The following PALD1 variants were observed in gnomAD, a reference collection of about 807,000 sequenced individuals.
PALD1 encodes paladin.
In PALD1, 57 loss-of-function variants were observed where a neutral mutation model predicts 96.0. That is an observed-to-expected ratio of 0.59 (90% CI 0.48 to 0.74). PALD1 has a LOEUF of 0.74. Ranked by LOEUF, PALD1 falls within the 30% of genes least tolerant of loss-of-function variation. PALD1 has a pLI of 0.00. For missense variants in PALD1, 1,063 were observed against 1,143.7 expected, an observed-to-expected ratio of 0.93 and a Z score of 1.02; for synonymous variants, 464 against 473.6, an observed-to-expected ratio of 0.98 and a Z score of 0.26.
chr10:70,566,710 T>C lies in PALD1; in HGVS notation c.2548T>C (p.Ser850Pro). 3 of 1,602,608 alleles carry C rather than the reference T, an allele frequency of 1.9e-6. No individual in the cohort carries two copies. The South Asian group carries it at 3.4e-5, about 18-fold the overall frequency. Residue 850 changes from serine to proline, a missense_variant, in exon 20 of 20, where the codon TCT (serine) becomes CCT (proline). Transcript: ENST00000263563. ...GGAGCAGAGCTGCAGCCTCGAGCCC[T>C]CTGCCCCCGAGGACTTGCTGTAGGG... ...WQEQSCSLEPSAPEDLL is the reference protein window; with the variant it reads ...WQEQSCSLEPPAPEDLL
chr10:70,469,681 G>A, the PALD1 span, among the ~76,000 whole-genome samples: 1 of 152,074 alleles, frequency 6.6e-6, no homozygotes, highest in African/African-American at 2.4e-5. Flanking sequence ...AAAGGAGACT[G>A]AGTCAGGTCA....
At chr10:70,491,206 A>G (rs1316976876) in intron 1 of PALD1, among the ~76,000 whole-genome samples, 1 of 152,134 alleles carries the variant, frequency 6.6e-6, no homozygotes, top group East Asian at 1.9e-4. Flanking sequence ...CGGCCTCCCA[A>G]AGTGCTGGGA....
chr10:70,506,896 G>T (rs867510252), intron 1 of PALD1, among the ~76,000 whole-genome samples: 3 of 152,080 alleles, frequency 2.0e-5, no homozygotes, highest in African/African-American at 7.2e-5. Context: ...TCACCTGGGG[G>T]TGGGGGTGGT....
chr10:70,527,468 T>G (rs749718985), intron 2 of PALD1, among the ~76,000 whole-genome samples: 4 of 152,168 alleles, frequency 2.6e-5, no homozygotes, highest in Non-Finnish European at 4.4e-5. Flanking sequence ...AAATAAAGTT[T>G]TATTGGAATG....
chr10:70,539,003 G>A lies in PALD1; in HGVS notation c.1564G>A (p.Ala522Thr), dbSNP rs141972259. ...CATCTACGGCACGGCCCAGCCCAGC[G>A]CCAAGGTGACCGGCCCTCAGGGCCT... ...MPIYGTAQPS[A>T]KALGSILAYL... is the part of the protein sequence containing the mutation. The change falls in exon 13 of 20, where the codon GCC becomes ACC. Residue 522 changes from alanine to threonine, a missense_variant. Ala to Thr is a moderately conservative substitution (Grantham distance 58). Transcript: ENST00000263563. This position sits in a 1 kb window ranked among gnomAD's most constrained non-coding sequence, Gnocchi z 4.5. 21 of 1,613,648 alleles carry A rather than the reference G, an allele frequency of 1.3e-5. No individual in the cohort carries two copies. Among genetic ancestry groups the A allele is most frequent in the African/African-American group, 4.0e-5 (3 of 74,948 alleles).
intron 9 of PALD1, 63 bp downstream of exon 9, chr10:70,534,587 T>G: frequency 7.9e-7 from 1 of 1,269,866 alleles, no homozygotes; most frequent in East Asian, 2.4e-5. Context: ...CTCCTCTCAC[T>G]GGTCGGGGCT....
chr10:70,471,857 G>A, the PALD1 span, among the ~76,000 whole-genome samples: 1 of 152,180 alleles, frequency 6.6e-6, no homozygotes, highest in Non-Finnish European at 1.5e-5. Context: ...GAGAGTGGTG[G>A]TCTGGCTGGG....
chr10:70,539,304 G>A lies in PALD1; in HGVS notation c.1725+57G>A, dbSNP rs1847187151. The A allele has an allele frequency of 6.6e-7, 1 of 1,518,692 alleles. No homozygotes were observed. Among genetic ancestry groups the A allele is most frequent in the Non-Finnish European group, 8.9e-7 (1 of 1,127,392 alleles). The allele number at this position is 1,518,692 out of a possible 1,614,324, so 94.1% of individuals were successfully genotyped here. ...CTCCGAGGCTTCTGGGGAGTGGCCT[G>A]GGAGGGTCTTCAGAAGGCCTCACAC... On this transcript the variant is annotated intron_variant, in intron 14 of 19. Transcript: ENST00000263563. The surrounding 1 kb of genome is among the most constrained non-coding windows in gnomAD (Gnocchi z 4.5).
At chr10:70,480,736 C>A (rs1226714808) in intron 1 of PALD1, among the ~76,000 whole-genome samples, 3 of 152,340 alleles carry the variant, frequency 2.0e-5, no homozygotes, top group South Asian at 4.1e-4. Flanking sequence ...ACTGTGAGAA[C>A]TTGTGTGAAC....
chr10:70,553,852 C>A (rs1159800531), intron 18 of PALD1, among the ~76,000 whole-genome samples: 2 of 152,210 alleles, frequency 1.3e-5, no homozygotes, highest in African/African-American at 4.8e-5. Flanking sequence ...GAGGAAGTCG[C>A]AGACTGACCA....
chr10:70,541,283 A>T, intron 16 of PALD1, 41 bp downstream of exon 16: 1 of 1,578,622 alleles, frequency 6.3e-7, no homozygotes, highest in Non-Finnish European at 8.6e-7. Context: ...ATTTGCCTGG[A>T]GGAGGGTAGA....
rs374283565 is a variant in PALD1 at position 70,538,342 on chromosome 10, C to T, written c.1386C>T (p.Arg462=). ...TGTGTGCCCACCCTGAGCTGTACCG[C>T]CTGCCCGTGACGCTGAGCTCAGCAG... is the stretch of plus-strand genomic sequence containing the variant. ...RWLCAHPELY[R]LPVTLSSAGP... Residue 462 remains arginine, a synonymous_variant, in exon 12 of 20, where the codon CGC becomes CGT. Transcript: ENST00000263563. 394 of 1,609,340 alleles carry T rather than the reference C, an allele frequency of 2.4e-4. 1 individual carries two copies. Among genetic ancestry groups the T allele is most frequent in the Non-Finnish European group, 3.1e-4 (366 of 1,179,954 alleles).
chr10:70,505,889 C>T (rs1448772425), intron 1 of PALD1, among the ~76,000 whole-genome samples: 6 of 151,860 alleles, frequency 4.0e-5, no homozygotes, highest in East Asian at 1.9e-4. Flanking sequence ...GGCATGGTGG[C>T]GCATACCTGT....
chr10:70,543,623 C>T (rs1018403177), intron 17 of PALD1, among the ~76,000 whole-genome samples: 2 of 152,096 alleles, frequency 1.3e-5, no homozygotes, highest in Admixed American at 6.5e-5. Context: ...TTTCCAGCAC[C>T]GTTAGTTCAA....
chr10:70,510,396 T>C (rs1333247098), intron 1 of PALD1, among the ~76,000 whole-genome samples: 1 of 152,128 alleles, frequency 6.6e-6, no homozygotes, highest in Non-Finnish European at 1.5e-5. Context: ...CTGCTGACCT[T>C]GAAATGTCCA....
chr10:70,487,177 A>G (rs1270162767), intron 1 of PALD1, among the ~76,000 whole-genome samples: 1 of 124,310 alleles, frequency 8.0e-6, no homozygotes, highest in Non-Finnish European at 1.6e-5. Flanking sequence ...TCTGTTGCCC[A>G]GGCTGGAGTG....
chr10:70,487,534 A>C (rs187548312), intron 1 of PALD1, among the ~76,000 whole-genome samples: 27 of 152,122 alleles, frequency 1.8e-4, no homozygotes, highest in African/African-American at 6.3e-4. Context: ...AAATAAAATA[A>C]ACCATTTTAA....
chr10:70,531,602 T>A, intron 5 of PALD1, 148 bp downstream of exon 5: 2 of 693,708 alleles, frequency 2.9e-6, no homozygotes, highest in Non-Finnish European at 4.6e-6. Context: ...CAAGGCTGAC[T>A]CACGGGCAGC....
intron 18 of PALD1, among the ~76,000 whole-genome samples, chr10:70,553,850 C>T (rs560123856): frequency 1.8e-4 from 28 of 152,194 alleles, no homozygotes; most frequent in Non-Finnish European, 3.4e-4. Context: ...TTGAGGAAGT[C>T]GCAGACTGAC....
Sources: allele counts gnomAD v4.1 joint callset (sites outside exome capture counted in the v4.1 genomes callset), GRCh38; gene constraint gnomAD v4.1.1; non-coding constraint Gnocchi (gnomAD v3.1); transcripts MANE v1.5; gene names NCBI Gene and HGNC (gene_info 2026-07-23, HGNC 2026-07-21).